EXOC4: variants seen among roughly 807,000 people sequenced by gnomAD.
EXOC4 encodes exocyst complex component 4, also known as SEC8-like 1.
In EXOC4, 71 loss-of-function variants were observed where a neutral mutation model predicts 107.2. That is an observed-to-expected ratio of 0.66 (90% CI 0.55 to 0.81). The LOEUF is 0.81. EXOC4 is among the 30% of genes least tolerant of loss of function. EXOC4 has a pLI of 0.00. For missense variants in EXOC4, 1,108 were observed against 1,189.6 expected (o/e 0.93, Z 1.01); for synonymous variants, 456 against 441.2 (o/e 1.03, Z -0.42).
At chr7:133,495,817 A>C (rs1163148540) in intron 9 of EXOC4, among the ~76,000 whole-genome samples, 1 of 152,190 alleles carries the variant, frequency 6.6e-6, no homozygotes, top group Non-Finnish European at 1.5e-5. Context: ...TCTCGTGGGA[A>C]TATACCTAGG....
At chr7:133,563,083 C>G (rs2150952391) in intron 9 of EXOC4, among the ~76,000 whole-genome samples, 1 of 152,130 alleles carries the variant, frequency 6.6e-6, no homozygotes, top group Middle Eastern at 3.4e-3. Flanking sequence ...ATTTGGGAGG[C>G]TGAGTGTTAT....
intron 11 of EXOC4, chr7:133,895,345 A>G (rs1585229840): frequency 2.7e-6 from 1 of 375,170 alleles, no homozygotes; most frequent in East Asian, 6.4e-5. Flanking sequence ...CCCTAGTGAG[A>G]TGAACCCAGT....
intron 10 of EXOC4, among the ~76,000 whole-genome samples, chr7:133,742,678 A>G (rs1052391262): frequency 1.4e-4 from 21 of 152,296 alleles, no homozygotes; most frequent in Admixed American, 1.2e-3. Flanking sequence ...AATATTCACG[A>G]TAGCTCATGC....
chr7:133,534,873 G>A (rs972474030), intron 9 of EXOC4, among the ~76,000 whole-genome samples: 2 of 152,074 alleles, frequency 1.3e-5, no homozygotes, highest in African/African-American at 2.4e-5. Flanking sequence ...TGGGGTAAGC[G>A]GGGTGAATTT....
At chr7:133,802,127 G>T (rs1184309267) in intron 10 of EXOC4, among the ~76,000 whole-genome samples, 1 of 152,130 alleles carries the variant, frequency 6.6e-6, no homozygotes. Flanking sequence ...TTAGGATGTG[G>T]TATAGAAGAA....
intron 9 of EXOC4, among the ~76,000 whole-genome samples, chr7:133,515,207 A>C (rs1461875430): frequency 6.6e-6 from 1 of 152,086 alleles, no homozygotes; most frequent in Non-Finnish European, 1.5e-5. Flanking sequence ...TTGTGCAATT[A>C]GTTAATGCTG....
intron 11 of EXOC4, among the ~76,000 whole-genome samples, chr7:133,860,158 T>C (rs1178200362): frequency 1.3e-5 from 2 of 152,132 alleles, no homozygotes; most frequent in South Asian, 2.1e-4. Flanking sequence ...CTGAAAAAAA[T>C]CCAAAGCCTG....
At chr7:133,994,483 G>A (rs576413487) in intron 14 of EXOC4, among the ~76,000 whole-genome samples, 19 of 152,162 alleles carry the variant, frequency 1.2e-4, no homozygotes, top group South Asian at 2.1e-4. Context: ...AAACCTGCAC[G>A]TTCAGCACAT....
intron 3 of EXOC4, among the ~76,000 whole-genome samples, chr7:133,293,023 A>G (rs1490977033): frequency 1.3e-5 from 2 of 152,226 alleles, no homozygotes; most frequent in African/African-American, 4.8e-5. Context: ...AATGATAACA[A>G]TAGCTAATAT....
At chr7:133,684,479 T>C (rs1184195484) in intron 10 of EXOC4, among the ~76,000 whole-genome samples, 1 of 152,164 alleles carries the variant, frequency 6.6e-6, no homozygotes, top group African/African-American at 2.4e-5. Flanking sequence ...TTTTCCATGA[T>C]ATCTGATAGA....
chr7:134,068,658 C>G (rs888703548), downstream of EXOC4, among the ~76,000 whole-genome samples: 2 of 152,184 alleles, frequency 1.3e-5, no homozygotes, highest in Admixed American at 1.3e-4. Flanking sequence ...GTGGGATCCT[C>G]TTCCAGCAGT....
intron 2 of EXOC4, among the ~76,000 whole-genome samples, chr7:133,276,984 G>A (rs1882538): frequency 0.31 from 45,989 of 150,026 alleles, 7,391 homozygotes; most frequent in South Asian, 0.39. Context: ...TTTTTGAGAC[G>A]GAGTTTAATT....
intron 10 of EXOC4, among the ~76,000 whole-genome samples, chr7:133,753,867 G>T (rs185100026): frequency 6.6e-6 from 1 of 152,294 alleles, no homozygotes; most frequent in East Asian, 1.9e-4. Context: ...TTGAAGGAGT[G>T]TAAGTCAAAA....
At chr7:133,818,073 A>G (rs1323581012) in intron 11 of EXOC4, among the ~76,000 whole-genome samples, 4 of 152,216 alleles carry the variant, frequency 2.6e-5, no homozygotes, top group Non-Finnish European at 4.4e-5. Flanking sequence ...TTTACTTTAT[A>G]TAAAAAAATG....
At chr7:133,681,483 A>G (rs1481703148) in intron 10 of EXOC4, among the ~76,000 whole-genome samples, 1 of 152,192 alleles carries the variant, frequency 6.6e-6, no homozygotes, top group Non-Finnish European at 1.5e-5. Context: ...AATAATTCGA[A>G]TAAGTAGCGA....
intron 10 of EXOC4, among the ~76,000 whole-genome samples, chr7:133,707,849 C>T (rs981640596): frequency 6.6e-6 from 1 of 152,088 alleles, no homozygotes; most frequent in Non-Finnish European, 1.5e-5. Context: ...CTCCTGACCT[C>T]CCAAAATGCT....
intron 9 of EXOC4, among the ~76,000 whole-genome samples, chr7:133,594,391 C>T (rs181816293): frequency 6.6e-6 from 1 of 151,670 alleles, no homozygotes; most frequent in Admixed American, 6.6e-5. Flanking sequence ...GTGCTTTGGG[C>T]AAGGGGTATA....
chr7:133,895,627 A>T lies in EXOC4; in HGVS notation c.1763A>T (p.Gln588Leu), dbSNP rs142976261. ...QSTIIVEKTVQDLLNLMHDLS... is the reference protein window; with the variant it reads ...QSTIIVEKTVLDLLNLMHDLS... ...ACAATCATTGTGGAGAAGACAGTTC[A>T]AGACCTCCTGAACCTGATGCATGAC... Residue 588 changes from glutamine to leucine, a missense_variant, in exon 12 of 18, where the codon CAA becomes CTA. Transcript: ENST00000253861. The T allele has an allele frequency of 6.2e-7, 1 of 1,614,150 alleles. No individual in the cohort carries two copies. The highest frequency in any genetic ancestry group is 1.7e-5 in the Admixed American group (1 of 60,024).
chr7:133,747,073 T>C (rs935034868), intron 10 of EXOC4, among the ~76,000 whole-genome samples: 1 of 152,176 alleles, frequency 6.6e-6, no homozygotes, highest in Non-Finnish European at 1.5e-5. Flanking sequence ...GTATGTTGTT[T>C]GAAGCAGCAC....
Sources: gnomAD v4.1 joint callset for allele counts (sites outside exome capture counted in the v4.1 genomes callset) on GRCh38, gnomAD v4.1.1 for gene constraint, MANE v1.5 for transcripts, NCBI Gene and HGNC (gene_info 2026-07-23, HGNC 2026-07-21) for gene names.